The following AKR1E2 variants were observed in gnomAD, a reference collection of about 807,000 sequenced individuals.
AKR1E2 encodes the protein aldo-keto reductase family 1 member E2, also known as 1,5-anhydro-D-fructose reductase.
In AKR1E2, 43 loss-of-function variants were observed where a neutral mutation model predicts 41.9. The observed-to-expected ratio is 1.03, with a 90% CI of 0.80 to 1.32. AKR1E2 has a LOEUF of 1.32. Ranked by LOEUF, AKR1E2 falls within the 40% of genes most tolerant of loss-of-function variation. The pLI is 0.00. For synonymous variants in AKR1E2, 121 were observed against 138.9 expected, an observed-to-expected ratio of 0.87 and a Z score of 0.91; for missense variants, 423 against 396.5, an observed-to-expected ratio of 1.07 and a Z score of -0.57.
At position 4,847,707 on chromosome 10, in the gene AKR1E2, A is replaced by G. The variant is rs2033033042; in HGVS notation, c.*177A>G. The G allele has an allele frequency of 1.5e-6, 1 of 683,260 alleles. No individual in the cohort carries two copies. Among genetic ancestry groups the G allele is most frequent in the Non-Finnish European group, 2.5e-6 (1 of 399,132 alleles). 42.3% of individuals were successfully genotyped at this position (683,260 alleles called of 1,614,324 possible). On this transcript the variant is annotated 3_prime_UTR_variant, in exon 10 of 10. Transcript: ENST00000298375. ...AAATCTGGAGAATTGAGTGTGTTCT[A>G]AGTGAAGGCAATGGGGTTTCTCCAA...
chr10:4,870,517 C>A, the AKR1E2 span, among the ~76,000 whole-genome samples: 1 of 150,856 alleles, frequency 6.6e-6, no homozygotes, highest in Non-Finnish European at 1.5e-5. Context: ...TCTGCAAATG[C>A]CTTGATGTCT....
downstream of AKR1E2, among the ~76,000 whole-genome samples, chr10:4,849,259 C>G (rs1173269995): frequency 6.6e-6 from 1 of 152,234 alleles, no homozygotes. Flanking sequence ...CGATCAGGCC[C>G]TGTCCACCAC....
the AKR1E2 span, among the ~76,000 whole-genome samples, chr10:4,866,982 A>G: frequency 6.6e-6 from 1 of 152,188 alleles, no homozygotes; most frequent in South Asian, 2.1e-4. Context: ...TGTAGCCTCC[A>G]GCTGCATGAC....
At chr10:4,853,454 A>C in the AKR1E2 span, among the ~76,000 whole-genome samples, 2 of 144,398 alleles carry the variant, frequency 1.4e-5, no homozygotes, top group East Asian at 2.0e-4. Context: ...AAAAAAAAAA[A>C]AAAACCAAAC....
chr10:4,851,351 G>T (rs1045944123), downstream of AKR1E2, among the ~76,000 whole-genome samples: 2 of 152,192 alleles, frequency 1.3e-5, no homozygotes, highest in African/African-American at 2.4e-5. Flanking sequence ...CTCCCGGTTG[G>T]ATTCTGCTCT....
At chr10:4,850,570 G>A (rs971284975), downstream of AKR1E2, among the ~76,000 whole-genome samples, 42 of 152,322 alleles carry the variant, frequency 2.8e-4, no homozygotes, top group African/African-American at 8.9e-4. Flanking sequence ...AATGTGCGAG[G>A]TTCCGGTTTC....
chr10:4,837,189 A>G (rs1833497750), intron 4 of AKR1E2, among the ~76,000 whole-genome samples: 1 of 152,180 alleles, frequency 6.6e-6, no homozygotes. Context: ...ACCCCTAAAC[A>G]TCCCCGTGGC....
chr10:4,855,090 A>T, the AKR1E2 span, among the ~76,000 whole-genome samples: 116 of 152,130 alleles, frequency 7.6e-4, no homozygotes, highest in African/African-American at 2.7e-3. Flanking sequence ...ACAAGTTGCC[A>T]CCTGAACTTT....
At chr10:4,826,489 C>G (rs911648368) in intron 1 of AKR1E2, 126 bp downstream of exon 1, 1 of 883,256 alleles carries the variant, frequency 1.1e-6, no homozygotes, top group Non-Finnish European at 1.5e-6. Flanking sequence ...GGCCGACGCC[C>G]GGGAAAGGCG....
chr10:4,830,817 G>C lies in AKR1E2; in HGVS notation c.182G>C (p.Arg61Pro), dbSNP rs773986145. The C allele has an allele frequency of 6.2e-7, 1 of 1,614,146 alleles. No individual in the cohort carries two copies. The highest frequency in any genetic ancestry group is 2.2e-5 in the East Asian group (1 of 44,872). ...AAGATCAAGGAAGGCGCTGTAAGACGGGAGGATCTGTTCATTGCCACTAAG... is the reference window on the plus strand; with the variant it reads ...AAGATCAAGGAAGGCGCTGTAAGACCGGAGGATCTGTTCATTGCCACTAAG... Reference protein sequence around the residue: ...RCKIKEGAVRREDLFIATKLW... With the variant: ...RCKIKEGAVRPEDLFIATKLW... The change falls in exon 2 of 10, where the codon CGG becomes CCG. Residue 61 changes from arginine (R) to proline (P), a missense_variant. Coordinates refer to ENST00000298375, the MANE Select transcript of AKR1E2 (RefSeq NM_001040177.3).
chr10:4,853,795 T>C, the AKR1E2 span, among the ~76,000 whole-genome samples: 1 of 152,134 alleles, frequency 6.6e-6, no homozygotes, highest in South Asian at 2.1e-4. Context: ...CAGGATGAGA[T>C]AGGAGGTCAC....
chr10:4,833,997 T>C (rs1759736980), intron 3 of AKR1E2, among the ~76,000 whole-genome samples: 2 of 152,220 alleles, frequency 1.3e-5, no homozygotes, highest in Non-Finnish European at 1.5e-5. Context: ...ATCTGAGCCA[T>C]GGCTCTGTCA....
chr10:4,842,010 G>A (rs1225258732), intron 7 of AKR1E2, among the ~76,000 whole-genome samples, 153 bp downstream of exon 7: 2 of 152,100 alleles, frequency 1.3e-5, no homozygotes, highest in Non-Finnish European at 2.9e-5. Flanking sequence ...GCAGAATTTG[G>A]TCTGCAGCCG....
chr10:4,833,173 C>T (rs114077850), intron 2 of AKR1E2, among the ~76,000 whole-genome samples, 177 bp from the exon 3 acceptor site: 64 of 152,294 alleles, frequency 4.2e-4, no homozygotes, highest in African/African-American at 1.5e-3. Flanking sequence ...TGCAGGTGTC[C>T]TGGAACTCTT....
At chr10:4,832,516 GATCGT>G in intron 2 of AKR1E2, among the ~76,000 whole-genome samples, 1 of 152,280 alleles carries the variant, frequency 6.6e-6, no homozygotes, top group South Asian at 2.1e-4. Flanking sequence ...CTTCTGTGTG[GATCGT>G]AGTCAGCAGT....
At chr10:4,830,635 T>G (rs1588436401) in intron 1 of AKR1E2, 40 bp from the exon 2 acceptor site, 1 of 1,609,264 alleles carries the variant, frequency 6.2e-7, no homozygotes, top group East Asian at 2.2e-5. Flanking sequence ...GTTGGATTCC[T>G]CTGACTGTGA....
Position 4,847,728 on chromosome 10 carries a change from T to C in AKR1E2, c.*198T>C. On this transcript the variant is annotated 3_prime_UTR_variant, in exon 10 of 10. Transcript: ENST00000298375. Reference sequence around the variant, plus strand: ...TTCTAAGTGAAGGCAATGGGGTTTCTCCAAGACAGCCTGTGTGGCCTCTAC... The same window carrying C: ...TTCTAAGTGAAGGCAATGGGGTTTCCCCAAGACAGCCTGTGTGGCCTCTAC... 1 of 612,966 alleles carries C rather than the reference T, an allele frequency of 1.6e-6. No individual in the cohort carries two copies. Among genetic ancestry groups the C allele is most frequent in the South Asian group, 2.1e-5 (1 of 47,386 alleles). The allele number at this position is 612,966 out of a possible 1,614,324, so 38.0% of individuals were successfully genotyped here. A position where few individuals can be genotyped will look rare whatever the true frequency, so the allele number is the denominator to read the frequency against.
chr10:4,844,196 A>G (rs575837617), intron 8 of AKR1E2, among the ~76,000 whole-genome samples: 1 of 151,896 alleles, frequency 6.6e-6, no homozygotes, highest in East Asian at 1.9e-4. Flanking sequence ...TGGTGGGTTC[A>G]TGGTCTCACT....
chr10:4,861,738 C>A, the AKR1E2 span, among the ~76,000 whole-genome samples: 2 of 152,052 alleles, frequency 1.3e-5, no homozygotes, highest in Non-Finnish European at 2.9e-5. Context: ...TGTGTGTGGC[C>A]TAAAAGATAT....
Sources: allele counts gnomAD v4.1 joint callset (sites outside exome capture counted in the v4.1 genomes callset), GRCh38; gene constraint gnomAD v4.1.1; transcripts MANE v1.5; gene names NCBI Gene and HGNC (gene_info 2026-07-23, HGNC 2026-07-21).